PCSK2: variants seen among roughly 807,000 people sequenced by gnomAD.
PCSK2 encodes the protein neuroendocrine convertase 2.
Under a neutral mutation model 69.7 loss-of-function variants are expected in PCSK2, and 14 were observed. The ratio of observed to expected loss-of-function variants is 0.20; its 90% confidence interval spans 0.13 to 0.31. PCSK2 has a LOEUF of 0.31. Ranked by LOEUF, PCSK2 falls within the 10% of genes least tolerant of loss-of-function variation. The pLI, the probability that PCSK2 is intolerant of heterozygous loss-of-function variation, is 1.00. For synonymous variants in PCSK2, 307 were observed against 320.7 expected, an observed-to-expected ratio of 0.96 and a Z score of 0.46; for missense variants, 544 against 842.5, an observed-to-expected ratio of 0.65 and a Z score of 4.39.
chr20:17,471,277 T>G (rs2033196401), intron 11 of PCSK2, among the ~76,000 whole-genome samples: 1 of 152,208 alleles, frequency 6.6e-6, no homozygotes, highest in African/African-American at 2.4e-5. Flanking sequence ...TCCAAGTCCC[T>G]GTAAGGAATC....
chr20:17,269,076 G>A (rs1987754795), intron 2 of PCSK2, among the ~76,000 whole-genome samples: 1 of 152,166 alleles, frequency 6.6e-6, no homozygotes, highest in Non-Finnish European at 1.5e-5. Context: ...GGAGTGGTTA[G>A]GGAATTAAGA....
chr20:17,481,717 A>C lies in PCSK2; in HGVS notation c.1564A>C (p.Asn522His), dbSNP rs370258784. The stretch of plus-strand genomic sequence containing the variant: ...CAACGCAACCAGAAGAGGAGACCTG[A>C]ACATCAACATGACTTCCCCTATGGG... ...TVNATRRGDL[N>H]INMTSPMGTK... Residue 522 changes from asparagine (N) to histidine (H), a missense_variant, in exon 12 of 12, where the codon AAC becomes CAC. Asn to His is a moderately conservative substitution (Grantham distance 68). Around this residue, in one of 3 missense-constraint regions of PCSK2, gnomAD observed 200 missense variants for 287.8 expected, o/e 0.69. Coordinates refer to ENST00000262545, the MANE Select transcript of PCSK2 (RefSeq NM_002594.5). 2 of 1,614,020 alleles carry C rather than the reference A, an allele frequency of 1.2e-6. No individual in the cohort carries two copies. Among genetic ancestry groups the C allele is most frequent in the African/African-American group, 2.7e-5 (2 of 74,912 alleles).
intron 1 of PCSK2, among the ~76,000 whole-genome samples, chr20:17,230,099 G>A (rs1027864341): frequency 6.6e-5 from 10 of 152,104 alleles, no homozygotes; most frequent in African/African-American, 1.4e-4. Flanking sequence ...CCCAGACACC[G>A]TCCTATCTTG....
chr20:17,380,361 C>A (rs79109414), intron 5 of PCSK2, among the ~76,000 whole-genome samples: 3,969 of 152,088 alleles, frequency 0.026, 168 homozygotes, highest in African/African-American at 0.09. Context: ...CTGCCTATTG[C>A]CACATGGGGC....
intron 1 of PCSK2, among the ~76,000 whole-genome samples, chr20:17,230,853 T>C (rs1568562753): frequency 6.6e-6 from 1 of 152,238 alleles, no homozygotes; most frequent in Non-Finnish European, 1.5e-5. Flanking sequence ...AAAGCACCTA[T>C]AACTTTACCT....
rs748928592 is a variant in PCSK2 at position 17,230,606 on chromosome 20, A to G, written c.177+3124A>G. Among the ~76,000 whole-genome samples the G allele has an allele frequency of 3.9e-5, 6 of 152,244 alleles. No homozygotes were observed. The South Asian group carries it at 1.2e-3, about 32-fold the overall frequency. On this transcript the variant is annotated intron_variant, in intron 1 of 11. Transcript: ENST00000262545. ...TTTCCCTTTTCTTTTTACTTTTATT[A>G]TATTTATCATTTATTTTCTATTAAC... is the stretch of plus-strand genomic sequence containing the variant.
intron 2 of PCSK2, among the ~76,000 whole-genome samples, chr20:17,334,997 G>T (rs1990304287): frequency 6.6e-6 from 1 of 152,226 alleles, no homozygotes; most frequent in Admixed American, 6.5e-5. Flanking sequence ...CAGAGTTTAT[G>T]AAGTTCAATT....
In PCSK2 at chr20:17,227,434, G is replaced by A. The variant is rs772963886; in HGVS notation, c.129G>A (p.Glu43=). 1.3e-5 allele frequency: 21 copies of A among 1,613,892 alleles called. No individual in the cohort carries two copies. The East Asian group carries it at 4.0e-4, about 31-fold the overall frequency. The change falls in exon 1 of 12, where the codon GAG becomes GAA. Residue 43 remains glutamate (E), a synonymous_variant. Transcript: ENST00000262545. ...TTGTGGAGTTGCATAAAGGGGGAGA[G>A]GACAAAGCTCGCCAAGTTGCAGCAG... ...HFLVELHKGG[E]DKARQVAAEH...
At chr20:17,350,845 C>T (rs979454547) in intron 2 of PCSK2, among the ~76,000 whole-genome samples, 2 of 151,982 alleles carry the variant, frequency 1.3e-5, no homozygotes, top group African/African-American at 2.4e-5. Flanking sequence ...GAATTCGAGA[C>T]CAGCTTGGCC....
At position 17,483,272 on chromosome 20, in the gene PCSK2, A is replaced by G. The variant is rs6044842; in HGVS notation, c.*1202A>G. ...AAGAGAGGGCCATGCAATTCATCCC[A>G]GAGGAACCTGAGGCCTGAAGGAGGT... On this transcript the variant is annotated 3_prime_UTR_variant, in exon 12 of 12. Coordinates refer to ENST00000262545, the MANE Select transcript of PCSK2 (RefSeq NM_002594.5). The G allele has an allele frequency of 0.22, 32,880 of 152,054 alleles. 3,971 individuals carry two copies. The highest frequency in any genetic ancestry group is 0.32 in the African/African-American group (13,120 of 41,452). The allele number at this position is 152,054 out of a possible 1,614,324, so 9.4% of individuals were successfully genotyped here. A position where few individuals can be genotyped will look rare whatever the true frequency, so the allele number is the denominator to read the frequency against.
At chr20:17,451,691 T>C (rs1163211980) in intron 8 of PCSK2, among the ~76,000 whole-genome samples, 1 of 152,142 alleles carries the variant, frequency 6.6e-6, no homozygotes, top group Non-Finnish European at 1.5e-5. Flanking sequence ...TGCAAAGGCA[T>C]AGTGCACAGG....
intron 2 of PCSK2, among the ~76,000 whole-genome samples, chr20:17,299,995 G>C (rs905110848): frequency 5.9e-5 from 9 of 152,210 alleles, no homozygotes; most frequent in Non-Finnish European, 1.0e-4. Context: ...GCAGAGACAG[G>C]TCTGTATTTA....
rs539244481 is a variant in PCSK2 at position 17,461,162 on chromosome 20, T to G, written c.1203-4164T>G. Among the ~76,000 whole-genome samples, 9 of 152,232 alleles carry G rather than the reference T, an allele frequency of 5.9e-5. No homozygotes were observed. In the South Asian group the frequency reaches 1.0e-3, roughly 18 times the overall value. ...ATGATGCACAAAATCAGGTTTCACT[T>G]TCTTTGAGATGAGATTTTCCACACC... is the stretch of plus-strand genomic sequence containing the variant. On this transcript the variant is annotated intron_variant, in intron 10 of 11. Coordinates refer to ENST00000262545, the MANE Select transcript of PCSK2 (RefSeq NM_002594.5).
chr20:17,410,107 T>C (rs1040860920), intron 6 of PCSK2, among the ~76,000 whole-genome samples: 1 of 152,162 alleles, frequency 6.6e-6, no homozygotes, highest in Non-Finnish European at 1.5e-5. Context: ...AAATATATGA[T>C]GTGCAGAGCA....
intron 2 of PCSK2, among the ~76,000 whole-genome samples, chr20:17,297,359 A>G (rs937144043): frequency 2.0e-5 from 3 of 152,228 alleles, no homozygotes; most frequent in African/African-American, 7.2e-5. Context: ...TGGTAACTCC[A>G]TTGAGGTGGT....
chr20:17,475,169 C>G (rs2033270495), intron 11 of PCSK2, among the ~76,000 whole-genome samples: 1 of 151,904 alleles, frequency 6.6e-6, no homozygotes, highest in Non-Finnish European at 1.5e-5. Flanking sequence ...TTTGGAGCAT[C>G]AACGCCACCA....
In PCSK2 at chr20:17,433,785, T is replaced by TTCTCTCTCTCTC. The variant is rs369676259; in HGVS notation, c.710-2906_710-2895dup. Among the ~76,000 whole-genome samples the TTCTCTCTCTCTC allele has an allele frequency of 2.3e-3, 92 of 40,840 alleles. 9 individuals carry two copies. Among genetic ancestry groups the TTCTCTCTCTCTC allele is most frequent in the African/African-American group, 7.1e-3 (83 of 11,714 alleles). The allele number at this position is 40,840 out of a possible 152,430, so 26.8% of individuals were successfully genotyped here. Reference sequence around the variant, plus strand: ...GACACAGACTCCTAGCTCCTTTGATTTCTCTCTCTCTCTCTCTCTCTCTCT... The same window carrying TTCTCTCTCTCTC: ...GACACAGACTCCTAGCTCCTTTGATTTCTCTCTCTCTCTCTCTCTCTCTCTCTCTCTCTCTCT... On this transcript the variant is annotated intron_variant, in intron 7 of 11. Coordinates refer to ENST00000262545, the MANE Select transcript of PCSK2 (RefSeq NM_002594.5).
At chr20:17,226,546 AG>A (rs1985909998), upstream of PCSK2, among the ~76,000 whole-genome samples, 1 of 151,516 alleles carries the variant, frequency 6.6e-6, no homozygotes, top group Admixed American at 6.6e-5. Context: ...AGAGAGAGAG[AG>A]AGAGAGAGGT....
intron 1 of PCSK2, among the ~76,000 whole-genome samples, chr20:17,245,552 T>C (rs1003121613): frequency 6.6e-6 from 1 of 152,236 alleles, no homozygotes; most frequent in Non-Finnish European, 1.5e-5. Flanking sequence ...TTCTCTTGTT[T>C]TCTATAGCTG....
Sources: allele counts gnomAD v4.1 joint callset (sites outside exome capture counted in the v4.1 genomes callset), GRCh38; gene constraint gnomAD v4.1.1; regional missense constraint gnomAD v4.1.1; transcripts MANE v1.5; gene names NCBI Gene and HGNC (gene_info 2026-07-23, HGNC 2026-07-21).